CSMD1: variants seen among roughly 807,000 people sequenced by gnomAD.
CSMD1 encodes CUB and sushi domain-containing protein 1.
In CSMD1, 213 loss-of-function variants were observed where a neutral mutation model predicts 417.5. That is an observed-to-expected ratio of 0.51 (90% CI 0.46 to 0.57). CSMD1 has a LOEUF of 0.57. Ranked by LOEUF, CSMD1 falls within the 20% of genes least tolerant of loss-of-function variation. The pLI is 0.00. For synonymous variants in CSMD1, 2,862 were observed against 1,736.8 expected, an observed-to-expected ratio of 1.65 and a Z score of -16.11; for missense variants, 6,923 against 4,529.7, an observed-to-expected ratio of 1.53 and a Z score of -15.17.
chr8:4,306,421 A>G (rs1798250918), intron 3 of CSMD1, among the ~76,000 whole-genome samples: 1 of 152,160 alleles, frequency 6.6e-6, no homozygotes, highest in African/African-American at 2.4e-5. Flanking sequence ...ATACAGTATC[A>G]TCGTGAAAGT....
rs1161955722 is a variant in CSMD1, at chr8:3,334,419, C to A, written c.3631+8875G>T. On this transcript the variant is annotated intron_variant, in intron 23 of 69. Coordinates refer to ENST00000635120, the MANE Select transcript of CSMD1 (RefSeq NM_033225.6). ...GAGAGTGTATTCCTGTCCAAAGCCA[C>A]TCTCTCATTTATAGTAGTATGTTTA... 2.0e-5 allele frequency among the ~76,000 whole-genome samples: 3 copies of A among 152,166 alleles called. No homozygotes were observed. In the South Asian group the frequency reaches 6.2e-4, roughly 31 times the overall value.
At chr8:4,395,902 T>C (rs566002468) in intron 3 of CSMD1, among the ~76,000 whole-genome samples, 3 of 152,006 alleles carry the variant, frequency 2.0e-5, no homozygotes, top group African/African-American at 7.3e-5. Context: ...CACATATAAG[T>C]GTAATTGTAA....
intron 3 of CSMD1, among the ~76,000 whole-genome samples, chr8:4,290,221 G>A (rs574545414): frequency 6.6e-6 from 1 of 151,808 alleles, no homozygotes; most frequent in African/African-American, 2.4e-5. Flanking sequence ...TTGTATGTGT[G>A]TCTGCAAAAA....
intron 3 of CSMD1, among the ~76,000 whole-genome samples, chr8:4,324,515 T>G (rs969105588): frequency 6.6e-6 from 1 of 152,166 alleles, no homozygotes; most frequent in African/African-American, 2.4e-5. Flanking sequence ...AAAAGAGGGT[T>G]CTTCTCCACC....
chr8:3,036,253 G>T (rs1459923659), intron 50 of CSMD1, among the ~76,000 whole-genome samples: 1 of 152,166 alleles, frequency 6.6e-6, no homozygotes, highest in East Asian at 1.9e-4. Context: ...AAGATATTTA[G>T]ACAAGGGAAG....
chr8:4,447,524 C>G (rs568231989), intron 2 of CSMD1, among the ~76,000 whole-genome samples: 3 of 152,166 alleles, frequency 2.0e-5, no homozygotes, highest in Admixed American at 6.5e-5. Context: ...AGGCTCTAAT[C>G]CAAATCCCTC....
intron 3 of CSMD1, among the ~76,000 whole-genome samples, chr8:4,188,538 T>G (rs1798818099): frequency 6.6e-6 from 1 of 152,112 alleles, no homozygotes; most frequent in African/African-American, 2.4e-5. Flanking sequence ...TGAGGCTGTC[T>G]TTAGGAATTC....
chr8:4,737,230 C>G (rs993714787), intron 1 of CSMD1, among the ~76,000 whole-genome samples: 28 of 152,134 alleles, frequency 1.8e-4, no homozygotes, highest in African/African-American at 6.5e-4. Context: ...CAAACTAACA[C>G]GGGAACAGAA....
intron 6 of CSMD1, among the ~76,000 whole-genome samples, chr8:3,746,798 C>A (rs571661212): frequency 1.3e-5 from 2 of 152,108 alleles, no homozygotes; most frequent in East Asian, 3.9e-4. Context: ...TTTAATATAC[C>A]GAGAGAAACA....
chr8:3,880,771 A>C (rs1215181484), intron 5 of CSMD1, among the ~76,000 whole-genome samples: 1 of 152,200 alleles, frequency 6.6e-6, no homozygotes. Flanking sequence ...AATTTGTCTC[A>C]CGAAAAACAA....
At chr8:4,023,793 AT>A (rs1252782474) in intron 4 of CSMD1, among the ~76,000 whole-genome samples, 11 of 38,064 alleles carry the variant, frequency 2.9e-4, no homozygotes, top group Admixed American at 5.4e-4. Flanking sequence ...TTGTGTGTGT[AT>A]TTTTAGTAGA....
intron 26 of CSMD1, among the ~76,000 whole-genome samples, chr8:3,279,413 A>G (rs541809448): frequency 1.1e-4 from 17 of 152,316 alleles, no homozygotes; most frequent in Non-Finnish European, 8.8e-5. Context: ...TGTCTTAGGA[A>G]AATGACTTTT....
chr8:3,864,327 G>T (rs1356854249), intron 5 of CSMD1, among the ~76,000 whole-genome samples: 1 of 151,142 alleles, frequency 6.6e-6, no homozygotes, highest in African/African-American at 2.5e-5. Flanking sequence ...GGACAGTTAT[G>T]GTTATGAAAG....
At chr8:4,574,843 T>C (rs911808816) in intron 2 of CSMD1, among the ~76,000 whole-genome samples, 3 of 152,224 alleles carry the variant, frequency 2.0e-5, no homozygotes, top group Admixed American at 2.0e-4. Context: ...TCTTTCATGA[T>C]TCAAGTGCTT....
chr8:3,416,111 A>C (rs1197276424), intron 12 of CSMD1, among the ~76,000 whole-genome samples: 1 of 151,894 alleles, frequency 6.6e-6, no homozygotes, highest in African/African-American at 2.4e-5. Context: ...ACCATCCTGG[A>C]TAACATGGTG....
At chr8:4,927,583 G>A (rs896427223) in intron 1 of CSMD1, among the ~76,000 whole-genome samples, 1 of 152,096 alleles carries the variant, frequency 6.6e-6, no homozygotes, top group African/African-American at 2.4e-5. Flanking sequence ...TTACTAAATA[G>A]TTCTTAGAGG....
At chr8:3,697,359 G>A (rs74663704) in intron 7 of CSMD1, among the ~76,000 whole-genome samples, 2,996 of 152,204 alleles carry the variant, frequency 0.02, 86 homozygotes, top group African/African-American at 0.068. Context: ...TAAGAGATAT[G>A]TACTTTTTCT....
intron 2 of CSMD1, among the ~76,000 whole-genome samples, chr8:4,428,520 A>C (rs1797692282): frequency 6.6e-6 from 1 of 152,210 alleles, no homozygotes; most frequent in Admixed American, 6.5e-5. Flanking sequence ...ATGTCAGAGC[A>C]GGTATACACA....
At chr8:3,322,836 T>C (rs1806242633) in intron 23 of CSMD1, among the ~76,000 whole-genome samples, 1 of 152,256 alleles carries the variant, frequency 6.6e-6, no homozygotes, top group Non-Finnish European at 1.5e-5. Context: ...TTCCTTATTC[T>C]TAACAAAGGA....
Sources: gnomAD v4.1 joint callset for allele counts (sites outside exome capture counted in the v4.1 genomes callset) on GRCh38, gnomAD v4.1.1 for gene constraint, MANE v1.5 for transcripts, NCBI Gene and HGNC (gene_info 2026-07-23, HGNC 2026-07-21) for gene names.